SHB: variants seen among roughly 807,000 people sequenced by gnomAD.
The protein encoded by SHB is SH2 domain-containing adapter protein B.
SHB carries 20 observed loss-of-function variants against 52.3 expected under a neutral mutation model. The ratio of observed to expected loss-of-function variants is 0.38; its 90% confidence interval spans 0.27 to 0.56. The LOEUF is 0.56. SHB is among the 20% of genes least tolerant of loss of function. The pLI, the probability that SHB is intolerant of heterozygous loss-of-function variation, is 0.71. For synonymous variants in SHB, 397 were observed against 316.5 expected (o/e 1.25, Z -2.70); for missense variants, 825 against 723.3 (o/e 1.14, Z -1.61).
chr9:38,038,412 A>C (rs1298451699), intron 1 of SHB, among the ~76,000 whole-genome samples: 1 of 152,136 alleles, frequency 6.6e-6, no homozygotes, highest in Non-Finnish European at 1.5e-5. Context: ...CCAGGGAGTC[A>C]TCTTACCATG....
chr9:37,923,957 G>A (rs1832214316), intron 5 of SHB, among the ~76,000 whole-genome samples: 1 of 152,226 alleles, frequency 6.6e-6, no homozygotes, highest in Non-Finnish European at 1.5e-5. Flanking sequence ...AGGCAGCATG[G>A]GCTTCCACAC....
chr9:37,949,106 G>A (rs568920866), intron 4 of SHB, among the ~76,000 whole-genome samples: 3 of 152,292 alleles, frequency 2.0e-5, no homozygotes, highest in South Asian at 4.1e-4. Context: ...GGTGGCCAGG[G>A]AAGCCTTCTC....
intron 2 of SHB, among the ~76,000 whole-genome samples, chr9:37,981,680 G>C (rs1372886462): frequency 2.0e-5 from 3 of 152,106 alleles, no homozygotes; most frequent in African/African-American, 7.2e-5. Flanking sequence ...TTATTTCCAA[G>C]ATTTTGGTTT....
chr9:38,025,536 C>T (rs1273614981), intron 1 of SHB, among the ~76,000 whole-genome samples: 2 of 152,194 alleles, frequency 1.3e-5, no homozygotes, highest in African/African-American at 4.8e-5. Context: ...CTTTCTCCTT[C>T]GGAGCTGAAG....
At chr9:38,032,548 G>A (rs967588876) in intron 1 of SHB, among the ~76,000 whole-genome samples, 3 of 152,192 alleles carry the variant, frequency 2.0e-5, no homozygotes, top group African/African-American at 7.2e-5. Context: ...CTGAGTGCTG[G>A]AAGTCTCCCT....
Position 38,068,129 on chromosome 9 carries a change from G to C in SHB, c.517C>G (p.Pro173Ala). The change falls in exon 1 of 6, where the codon CCG becomes GCG. Residue 173 changes from proline to alanine, a missense_variant. By Grantham distance (27) the Pro-to-Ala change is conservative (BLOSUM62 -1). Transcript: ENST00000377707. Reference protein sequence around the residue: ...RSSSERRPATPAEVRYISPKH... With the variant: ...RSSSERRPATAAEVRYISPKH... ...GGGGAGATGTAGCGCACCTCGGCCG[G>C]CGTGGCGGGCCGCCGCTCGCTGCTG... 7.0e-7 allele frequency: 1 copy of C among 1,438,662 alleles called. No individual in the cohort carries two copies. The highest frequency in any genetic ancestry group is 9.0e-7 in the Non-Finnish European group (1 of 1,108,344). The allele number at this position is 1,438,662 out of a possible 1,614,324, so 89.1% of individuals were successfully genotyped here. A position where few individuals can be genotyped will look rare whatever the true frequency, so the allele number is the denominator to read the frequency against.
At chr9:37,972,072 C>A (rs1457955986) in intron 3 of SHB, among the ~76,000 whole-genome samples, 2 of 152,190 alleles carry the variant, frequency 1.3e-5, no homozygotes, top group Non-Finnish European at 2.9e-5. Context: ...AGATGCCAGA[C>A]TAGACTAGAC....
chr9:38,033,865 C>A (rs968975057), intron 1 of SHB, among the ~76,000 whole-genome samples: 1 of 152,160 alleles, frequency 6.6e-6, no homozygotes, highest in African/African-American at 2.4e-5. Context: ...GACACCCCCC[C>A]AGCACCACCT....
At chr9:38,050,066 C>G (rs1174742387) in intron 1 of SHB, among the ~76,000 whole-genome samples, 1 of 152,216 alleles carries the variant, frequency 6.6e-6, no homozygotes, top group Non-Finnish European at 1.5e-5. Flanking sequence ...GCTGGGATTA[C>G]AGGCGTAAGC....
chr9:38,056,625 C>A (rs1305464603), intron 1 of SHB, among the ~76,000 whole-genome samples: 1 of 152,204 alleles, frequency 6.6e-6, no homozygotes, highest in African/African-American at 2.4e-5. Context: ...AGCCACCGCG[C>A]CCACATGGGA....
At chr9:37,994,949 G>T (rs1820929789) in intron 2 of SHB, among the ~76,000 whole-genome samples, 1 of 152,174 alleles carries the variant, frequency 6.6e-6, no homozygotes, top group Admixed American at 6.5e-5. Context: ...CTGATTCCAG[G>T]GCTCAGCAAC....
At chr9:37,968,022 C>T (rs560317841) in intron 3 of SHB, among the ~76,000 whole-genome samples, 3 of 152,320 alleles carry the variant, frequency 2.0e-5, no homozygotes, top group East Asian at 3.9e-4. Context: ...CCACACCATC[C>T]GTGCTTCCCA....
intron 2 of SHB, among the ~76,000 whole-genome samples, chr9:37,982,609 G>A (rs2494919): frequency 0.42 from 63,405 of 151,002 alleles, 13,362 homozygotes; most frequent in East Asian, 0.71. Context: ...TGGCTAACAT[G>A]GTGAAACCCC....
chr9:37,985,372 T>C (rs1258327985), intron 2 of SHB, among the ~76,000 whole-genome samples: 2 of 152,238 alleles, frequency 1.3e-5, no homozygotes, highest in African/African-American at 2.4e-5. Context: ...TGACGACCAA[T>C]TGCTTTCATT....
At chr9:37,940,511 G>C (rs1832423174) in intron 5 of SHB, among the ~76,000 whole-genome samples, 1 of 152,288 alleles carries the variant, frequency 6.6e-6, no homozygotes, top group Middle Eastern at 3.4e-3. Flanking sequence ...TAATTGAGCA[G>C]AAAGTTCATT....
At chr9:38,007,641 CTCAT>C (rs988784424) in intron 2 of SHB, among the ~76,000 whole-genome samples, 7 of 152,210 alleles carry the variant, frequency 4.6e-5, no homozygotes, top group African/African-American at 1.4e-4. Flanking sequence ...AATTAATGCA[CTCAT>C]TCATTCAACC....
At chr9:37,969,151 C>T (rs894550851) in intron 3 of SHB, among the ~76,000 whole-genome samples, 6 of 152,164 alleles carry the variant, frequency 3.9e-5, no homozygotes, top group African/African-American at 1.4e-4. Flanking sequence ...GCATGCGATA[C>T]CTCTTGAGGG....
chr9:37,917,475 T>C lies in SHB; in HGVS notation c.*2346A>G, dbSNP rs1832114960. Among the ~76,000 whole-genome samples the C allele has an allele frequency of 6.6e-6, 1 of 152,164 alleles. No individual in the cohort carries two copies. The highest frequency in any genetic ancestry group is 2.1e-4 in the South Asian group (1 of 4,826). ...GAAGATGGTCTACAGGGAAGGACCGTGAGGTGCGGCCCCACCCAGCAGCCT... is the reference window on the plus strand; with the variant it reads ...GAAGATGGTCTACAGGGAAGGACCGCGAGGTGCGGCCCCACCCAGCAGCCT... On this transcript the variant is annotated 3_prime_UTR_variant, in exon 6 of 6. Transcript: ENST00000377707.
chr9:37,978,086 G>T (rs1057229447), intron 2 of SHB, among the ~76,000 whole-genome samples: 5 of 152,152 alleles, frequency 3.3e-5, no homozygotes, highest in Admixed American at 3.3e-4. Context: ...GATACTTTAT[G>T]AAAGTCCCTG....
Sources: allele counts gnomAD v4.1 joint callset (sites outside exome capture counted in the v4.1 genomes callset), GRCh38; gene constraint gnomAD v4.1.1; transcripts MANE v1.5; gene names NCBI Gene and HGNC (gene_info 2026-07-23, HGNC 2026-07-21).